KCNH5: variants seen among roughly 807,000 people sequenced by gnomAD.
KCNH5 encodes the protein potassium voltage-gated channel subfamily H member 5.
A neutral mutation model predicts 96.1 loss-of-function variants in KCNH5; 46 were observed. That is an observed-to-expected ratio of 0.48 (90% CI 0.38 to 0.61). The LOEUF is 0.61. Among genes scored for constraint, KCNH5 ranks in the 20% least tolerant of loss-of-function variants. The pLI is 0.00. For synonymous variants in KCNH5, 439 were observed against 449.8 expected (o/e 0.98, Z 0.30); for missense variants, 907 against 1,225.8 (o/e 0.74, Z 3.88).
At chr14:62,924,194 G>A (rs1367525476) in intron 7 of KCNH5, among the ~76,000 whole-genome samples, 4 of 151,722 alleles carry the variant, frequency 2.6e-5, no homozygotes, top group Non-Finnish European at 4.4e-5. Context: ...GAAGACATAC[G>A]AATGGCCAAG....
intron 1 of KCNH5, among the ~76,000 whole-genome samples, chr14:63,041,447 A>G (rs1891822614): frequency 6.6e-6 from 1 of 152,118 alleles, no homozygotes; most frequent in South Asian, 2.1e-4. Context: ...GCTGTAATGA[A>G]CTCACCACAT....
At chr14:62,883,089 T>C (rs1406701368) in intron 7 of KCNH5, among the ~76,000 whole-genome samples, 1 of 152,212 alleles carries the variant, frequency 6.6e-6, no homozygotes, top group African/African-American at 2.4e-5. Context: ...AATGAGTTAA[T>C]TAGTACTTAC....
rs1890617134 is a variant in KCNH5, at chr14:62,981,993, A to G, written c.550-729T>C. Among the ~76,000 whole-genome samples the G allele has an allele frequency of 2.6e-5, 4 of 152,304 alleles. No homozygotes were observed. In the South Asian group the frequency reaches 8.3e-4, roughly 32 times the overall value. ...AGCAGAAAACAAAGATAGAAAGCAG[A>G]TGACAGAGCAAGAGTAGAGGTTTGT... On this transcript the variant is annotated intron_variant, in intron 5 of 10. Transcript: ENST00000322893.
intron 7 of KCNH5, among the ~76,000 whole-genome samples, chr14:62,873,149 C>CAAA (rs34678951): frequency 2.6e-5 from 3 of 113,900 alleles, no homozygotes; most frequent in Admixed American, 9.5e-5. Flanking sequence ...GACTCTGACT[C>CAAA]AAAAAAAAAA....
chr14:63,017,563 T>C (rs948914144), intron 1 of KCNH5, among the ~76,000 whole-genome samples: 1 of 151,822 alleles, frequency 6.6e-6, no homozygotes, highest in Non-Finnish European at 1.5e-5. Flanking sequence ...AAAAGAGATA[T>C]TTTTGTTCTA....
intron 8 of KCNH5, among the ~76,000 whole-genome samples, chr14:62,845,510 C>T (rs1170989437): frequency 3.3e-5 from 5 of 152,178 alleles, no homozygotes; most frequent in African/African-American, 9.7e-5. Context: ...TGTGCTCACT[C>T]GCTGCTCTTT....
chr14:63,015,829 C>A (rs1045123907), intron 2 of KCNH5, among the ~76,000 whole-genome samples: 1 of 151,756 alleles, frequency 6.6e-6, no homozygotes, highest in Non-Finnish European at 1.5e-5. Context: ...TATTTCTGAT[C>A]ACATTTGGTT....
At chr14:62,958,501 C>A (rs1019090459) in intron 6 of KCNH5, among the ~76,000 whole-genome samples, 5 of 152,152 alleles carry the variant, frequency 3.3e-5, no homozygotes, top group African/African-American at 1.2e-4. Flanking sequence ...ATTGAATCAT[C>A]CTGCTATCTG....
In KCNH5 at chr14:62,708,186, C is replaced by T. The variant is rs1286363254; in HGVS notation, c.2289G>A (p.Thr763=). The change falls in exon 11 of 11, where the codon ACG becomes ACA. Residue 763 remains threonine, a synonymous_variant. Coordinates refer to ENST00000322893, the MANE Select transcript of KCNH5 (RefSeq NM_139318.5). ...VTVSQITPIQ[T]SLAYVKTSES... is the part of the protein sequence containing the mutation. The stretch of plus-strand genomic sequence containing the variant: ...CACTGGTTTTCACATAGGCCAGAGA[C>T]GTCTGAATGGGAGTAATCTGTGACA... The T allele has an allele frequency of 1.9e-6, 3 of 1,614,116 alleles. No homozygotes were observed. The highest frequency in any genetic ancestry group is 3.3e-5 in the Admixed American group (2 of 60,010).
chr14:62,930,836 A>T (rs527687422), intron 7 of KCNH5, among the ~76,000 whole-genome samples: 76 of 152,262 alleles, frequency 5.0e-4, no homozygotes, highest in South Asian at 8.3e-4. Flanking sequence ...TAGAAACCTG[A>T]CTTTAAGAAA....
intron 9 of KCNH5, among the ~76,000 whole-genome samples, chr14:62,782,172 G>C (rs574966433): frequency 6.6e-6 from 1 of 152,266 alleles, no homozygotes; most frequent in Non-Finnish European, 1.5e-5. Context: ...AAATGAGAGA[G>C]AGACAAAGAC....
At chr14:62,842,306 T>C (rs1390466151) in intron 8 of KCNH5, among the ~76,000 whole-genome samples, 2 of 152,222 alleles carry the variant, frequency 1.3e-5, no homozygotes, top group African/African-American at 2.4e-5. Flanking sequence ...GTTATTTTAC[T>C]TAACTTGTGA....
At chr14:62,814,554 T>A (rs1470596058) in intron 8 of KCNH5, among the ~76,000 whole-genome samples, 1 of 151,890 alleles carries the variant, frequency 6.6e-6, no homozygotes, top group Non-Finnish European at 1.5e-5. Context: ...GTTCCCATCC[T>A]TAAAAGAATG....
At chr14:62,898,104 T>C (rs1007029850) in intron 7 of KCNH5, among the ~76,000 whole-genome samples, 104 of 152,278 alleles carry the variant, frequency 6.8e-4, no homozygotes, top group African/African-American at 2.3e-3. Flanking sequence ...ACCAGATACT[T>C]GGTCTTAAGT....
At chr14:62,908,780 G>GTTTTT (rs1451340124) in intron 7 of KCNH5, among the ~76,000 whole-genome samples, 7 of 19,790 alleles carry the variant, frequency 3.5e-4, no homozygotes, top group South Asian at 2.2e-3. Flanking sequence ...ATTTTGCTTT[G>GTTTTT]TATTTTTTTT....
intron 1 of KCNH5, among the ~76,000 whole-genome samples, chr14:63,023,539 A>G (rs116127160): frequency 1.0e-3 from 157 of 152,340 alleles, no homozygotes; most frequent in African/African-American, 3.7e-3. Context: ...GAATTTCAAT[A>G]TAATCATCCA....
intron 8 of KCNH5, among the ~76,000 whole-genome samples, chr14:62,823,093 T>A (rs1887147948): frequency 6.6e-6 from 1 of 152,094 alleles, no homozygotes. Flanking sequence ...CTGGCTCTTT[T>A]GGAAACATTT....
At chr14:63,002,662 A>G (rs1891032778) in intron 3 of KCNH5, among the ~76,000 whole-genome samples, 1 of 152,194 alleles carries the variant, frequency 6.6e-6, no homozygotes, top group Non-Finnish European at 1.5e-5. Flanking sequence ...AAAGTCACCT[A>G]ATGTCACCAC....
chr14:62,945,006 A>G (rs1889859600), intron 7 of KCNH5, among the ~76,000 whole-genome samples: 1 of 152,174 alleles, frequency 6.6e-6, no homozygotes, highest in Non-Finnish European at 1.5e-5. Flanking sequence ...CTAAATCAAA[A>G]CAGGAACTTC....
Sources: gnomAD v4.1 joint callset for allele counts (sites outside exome capture counted in the v4.1 genomes callset) on GRCh38, gnomAD v4.1.1 for gene constraint, MANE v1.5 for transcripts, NCBI Gene and HGNC (gene_info 2026-07-23, HGNC 2026-07-21) for gene names.